Variants in SLC16A10 observed in about 807,000 individuals in gnomAD.
The protein encoded by SLC16A10 is solute carrier family 16 member 10.
In SLC16A10, 27 loss-of-function variants were observed where a neutral mutation model predicts 40.0. That is an observed-to-expected ratio of 0.67 (90% confidence interval 0.50 to 0.93). The LOEUF (loss-of-function observed/expected upper bound fraction) is 0.93, where lower values mean the gene tolerates loss of function less well. SLC16A10 is among the 40% of genes least tolerant of loss of function. The pLI is 0.00. For missense variants in SLC16A10, 529 were observed against 658.2 expected (o/e 0.80, Z 2.15); for synonymous variants, 213 against 249.8 (o/e 0.85, Z 1.39).
chr6:111,115,243 A>C (rs1771464160), intron 1 of SLC16A10, among the ~76,000 whole-genome samples: 1 of 149,676 alleles, frequency 6.7e-6, no homozygotes, highest in Admixed American at 6.6e-5. Flanking sequence ...TTTTAGATGA[A>C]GTCTCCGCCC....
chr6:111,111,180 C>G (rs895531167), intron 1 of SLC16A10, among the ~76,000 whole-genome samples: 1 of 151,852 alleles, frequency 6.6e-6, no homozygotes, highest in Non-Finnish European at 1.5e-5. Flanking sequence ...AAATTTTATG[C>G]TATAAATTTT....
At chr6:111,093,051 A>G (rs1208938659) in intron 1 of SLC16A10, among the ~76,000 whole-genome samples, 1 of 150,984 alleles carries the variant, frequency 6.6e-6, no homozygotes, top group Admixed American at 6.6e-5. Context: ...CAAAAAAAAA[A>G]AAAAGAAAAG....
intron 1 of SLC16A10, among the ~76,000 whole-genome samples, chr6:111,120,567 A>G (rs1372617706): frequency 6.6e-6 from 1 of 152,168 alleles, no homozygotes; most frequent in Non-Finnish European, 1.5e-5. Context: ...GTTCTTTTAA[A>G]CTGCTATTTC....
chr6:111,147,506 C>T (rs1394810754), intron 1 of SLC16A10, among the ~76,000 whole-genome samples: 1 of 151,926 alleles, frequency 6.6e-6, no homozygotes, highest in African/African-American at 2.4e-5. Flanking sequence ...GCTGTGAGTA[C>T]CATACTAATT....
intron 3 of SLC16A10, among the ~76,000 whole-genome samples, chr6:111,195,840 C>T (rs1199623367): frequency 6.6e-6 from 1 of 152,164 alleles, no homozygotes; most frequent in African/African-American, 2.4e-5. Context: ...CTTCCATTTT[C>T]TTATCTGTCC....
At chr6:111,193,834 G>A (rs1175877573) in intron 3 of SLC16A10, among the ~76,000 whole-genome samples, 3 of 152,162 alleles carry the variant, frequency 2.0e-5, no homozygotes, top group Non-Finnish European at 2.9e-5. Flanking sequence ...TTGAAAAACA[G>A]CAGTAGTGTA....
rs567284918 is a variant in SLC16A10, at chr6:111,094,466, G to T, written c.343+6371G>T. ...TCCTCCTTCTTAATTCTCTGTGCAT[G>T]ATACCTCTGGTTGTTTAAGTCAGAA... On this transcript the variant is annotated intron_variant, in intron 1 of 5. Transcript: ENST00000368851. Among the ~76,000 whole-genome samples, 5 of 152,232 alleles carry T rather than the reference G, an allele frequency of 3.3e-5. No homozygotes were observed. The South Asian group carries it at 1.0e-3, about 32-fold the overall frequency.
chr6:111,098,197 T>C (rs1208575187), intron 1 of SLC16A10, among the ~76,000 whole-genome samples: 1 of 152,058 alleles, frequency 6.6e-6, no homozygotes, highest in Non-Finnish European at 1.5e-5. Context: ...TCTCAGCTAC[T>C]GGGGAAGCTG....
At chr6:111,179,959 C>A (rs942366877) in intron 3 of SLC16A10, among the ~76,000 whole-genome samples, 12 of 152,196 alleles carry the variant, frequency 7.9e-5, no homozygotes, top group Non-Finnish European at 1.0e-4. Flanking sequence ...AGGAATGGGA[C>A]ACTAGTTTCC....
chr6:111,157,902 G>C (rs953149282), intron 1 of SLC16A10, among the ~76,000 whole-genome samples: 1 of 143,056 alleles, frequency 7.0e-6, no homozygotes. Context: ...TGCTATATCC[G>C]ACTAAAAAAA....
At chr6:111,130,476 C>A (rs569062536) in intron 1 of SLC16A10, among the ~76,000 whole-genome samples, 1 of 152,166 alleles carries the variant, frequency 6.6e-6, no homozygotes, top group African/African-American at 2.4e-5. Flanking sequence ...TGGACTCCCC[C>A]TTTTTGGGGG....
chr6:111,159,810 G>A (rs1197727344), intron 1 of SLC16A10, among the ~76,000 whole-genome samples: 4 of 151,986 alleles, frequency 2.6e-5, no homozygotes, highest in Non-Finnish European at 4.4e-5. Context: ...ACCAACACTT[G>A]GTATGATTAG....
chr6:111,222,363 A>C lies in SLC16A10; in HGVS notation c.*128A>C. 2 of 1,239,256 alleles carry C rather than the reference A, an allele frequency of 1.6e-6. No individual in the cohort carries two copies. The highest frequency in any genetic ancestry group is 3.4e-5 in the South Asian group (2 of 58,486). The allele number at this position is 1,239,256 out of a possible 1,614,324, so 76.8% of individuals were successfully genotyped here. On this transcript the variant is annotated 3_prime_UTR_variant, in exon 6 of 6. Transcript: ENST00000368851. ...CTAGGAATAGCACAATAATTGGGAA[A>C]TAGAACCCTTATCACTAGAAGAACC...
intron 1 of SLC16A10, among the ~76,000 whole-genome samples, chr6:111,149,484 A>G (rs930885476): frequency 3.9e-5 from 6 of 152,254 alleles, no homozygotes; most frequent in Non-Finnish European, 4.4e-5. Context: ...GACCTGGGTC[A>G]TATGCCCAGA....
intron 1 of SLC16A10, among the ~76,000 whole-genome samples, chr6:111,164,183 A>G (rs2114531455): frequency 6.7e-6 from 1 of 149,928 alleles, no homozygotes; most frequent in South Asian, 2.1e-4. Flanking sequence ...CAATTATTTA[A>G]TCCTCTAAAC....
In SLC16A10 at chr6:111,087,554, T is replaced by C; in HGVS notation, c.-199T>C. Reference sequence around the variant, plus strand: ...GAGGCTTCAGTGTCGATCCCCGAGGTGTTCGCGCGCGCCAGCTGTCCTCGC... The same window carrying C: ...GAGGCTTCAGTGTCGATCCCCGAGGCGTTCGCGCGCGCCAGCTGTCCTCGC... On this transcript the variant is annotated 5_prime_UTR_variant, in exon 1 of 6. Transcript: ENST00000368851. 4.6e-6 allele frequency: 1 copy of C among 217,490 alleles called. No homozygotes were observed. The highest frequency in any genetic ancestry group is 1.6e-3 in the Middle Eastern group (1 of 630). The allele number at this position is 217,490 out of a possible 1,614,324, so 13.5% of individuals were successfully genotyped here. A position where few individuals can be genotyped will look rare whatever the true frequency, so the allele number is the denominator to read the frequency against.
intron 1 of SLC16A10, among the ~76,000 whole-genome samples, chr6:111,170,479 G>A (rs900728318): frequency 4.6e-5 from 7 of 152,116 alleles, no homozygotes; most frequent in African/African-American, 1.4e-4. Context: ...AAAGCGTCTC[G>A]CTCAGCTGCC....
rs1770951561 is a variant in SLC16A10, at chr6:111,224,254, AAAAAT to A, written c.*2023_*2027del. 6.6e-6 allele frequency: 1 copy of A among 152,192 alleles called. No individual in the cohort carries two copies. Among genetic ancestry groups the A allele is most frequent in the South Asian group, 2.1e-4 (1 of 4,836 alleles). The allele number at this position is 152,192 out of a possible 1,614,324, so 9.4% of individuals were successfully genotyped here. On this transcript the variant is annotated 3_prime_UTR_variant, in exon 6 of 6. Transcript: ENST00000368851. Reference sequence around the variant, plus strand: ...TGTCTGTAAAAGAAAATCAAAAACAAAAAATAAATGTTAAATTTTGTTTTAAGTTT... The same window carrying A: ...TGTCTGTAAAAGAAAATCAAAAACAAAAATGTTAAATTTTGTTTTAAGTTT...
intron 1 of SLC16A10, among the ~76,000 whole-genome samples, chr6:111,152,430 T>A (rs1185831152): frequency 1.3e-5 from 2 of 152,214 alleles, no homozygotes; most frequent in Non-Finnish European, 2.9e-5. Context: ...GCATACAAAT[T>A]TGATAAATAA....
Sources: gnomAD v4.1 joint callset for allele counts (sites outside exome capture counted in the v4.1 genomes callset) on GRCh38, gnomAD v4.1.1 for gene constraint, MANE v1.5 for transcripts, NCBI Gene and HGNC (gene_info 2026-07-23, HGNC 2026-07-21) for gene names.